Variants in DLG2 observed in about 807,000 individuals in gnomAD.
DLG2 encodes the protein discs large MAGUK scaffold protein 2.
Under a neutral mutation model 132.5 loss-of-function variants are expected in DLG2, and 45 were observed. The observed-to-expected ratio is 0.34, with a 90% confidence interval of 0.27 to 0.44. DLG2 has a LOEUF of 0.44. DLG2 is among the 20% of genes least tolerant of loss of function. The pLI, the probability that DLG2 is intolerant of heterozygous loss-of-function variation, is 1.00. For synonymous variants in DLG2, 424 were observed against 419.6 expected (o/e 1.01, Z -0.13); for missense variants, 1,045 against 1,196.9 (o/e 0.87, Z 1.87).
intron 18 of DLG2, among the ~76,000 whole-genome samples, chr11:83,756,917 TTG>T (rs762311418): frequency 5.8e-4 from 89 of 152,218 alleles, no homozygotes; most frequent in Non-Finnish European, 1.1e-3. Context: ...ATGTGTCACA[TTG>T]TGTCTTAGGT....
intron 6 of DLG2, among the ~76,000 whole-genome samples, chr11:84,737,053 C>T (rs2153818532): frequency 6.6e-6 from 1 of 151,720 alleles, no homozygotes; most frequent in East Asian, 1.9e-4. Flanking sequence ...TATATTTTGC[C>T]AAGAGTTTTT....
At chr11:83,832,916 C>T (rs2054970260) in intron 17 of DLG2, among the ~76,000 whole-genome samples, 1 of 152,136 alleles carries the variant, frequency 6.6e-6, no homozygotes. Flanking sequence ...TTGCACCAAA[C>T]TATACACATT....
chr11:84,544,043 C>A (rs1445495355), intron 6 of DLG2, among the ~76,000 whole-genome samples: 2 of 152,128 alleles, frequency 1.3e-5, no homozygotes, highest in Non-Finnish European at 2.9e-5. Context: ...TTCTAAGATC[C>A]TTTTTAAGGA....
intron 6 of DLG2, among the ~76,000 whole-genome samples, chr11:84,902,923 C>T (rs866061864): frequency 6.6e-6 from 1 of 151,598 alleles, no homozygotes; most frequent in South Asian, 2.1e-4. Flanking sequence ...CTTACTTTTA[C>T]TCCCCTAAAT....
chr11:85,567,728 TCTCA>T (rs976202005), intron 3 of DLG2, among the ~76,000 whole-genome samples: 2 of 152,184 alleles, frequency 1.3e-5, no homozygotes, highest in Non-Finnish European at 2.9e-5. Flanking sequence ...GCTTTCCGTC[TCTCA>T]CTATTAAGTA....
At chr11:83,906,459 A>T (rs138373733) in intron 15 of DLG2, among the ~76,000 whole-genome samples, 135 of 152,202 alleles carry the variant, frequency 8.9e-4, no homozygotes, top group African/African-American at 3.1e-3. Flanking sequence ...ACAATATGGT[A>T]GAGGAGGTAA....
chr11:85,540,086 C>T (rs1218434073), intron 3 of DLG2, among the ~76,000 whole-genome samples: 1 of 152,188 alleles, frequency 6.6e-6, no homozygotes, highest in Non-Finnish European at 1.5e-5. Flanking sequence ...TACAATCATA[C>T]TGATAAAGGG....
intron 6 of DLG2, among the ~76,000 whole-genome samples, chr11:84,607,025 C>T (rs1001331422): frequency 6.6e-6 from 1 of 152,032 alleles, no homozygotes; most frequent in Non-Finnish European, 1.5e-5. Context: ...TATCCAGGAT[C>T]CAAGGTCATC....
At chr11:85,281,792 G>A (rs1027026774) in intron 4 of DLG2, among the ~76,000 whole-genome samples, 7 of 152,034 alleles carry the variant, frequency 4.6e-5, no homozygotes, top group Admixed American at 3.9e-4. Context: ...TATAGAGAAC[G>A]GTATGGAGGT....
chr11:85,203,478 C>T (rs2081618049), intron 4 of DLG2, among the ~76,000 whole-genome samples: 1 of 151,940 alleles, frequency 6.6e-6, no homozygotes, highest in Non-Finnish European at 1.5e-5. Flanking sequence ...ACATATACAA[C>T]TTACCACAAG....
In DLG2 at chr11:84,057,299, T is replaced by A. The variant is rs186323086; in HGVS notation, c.919+2016A>T. 2.6e-5 allele frequency among the ~76,000 whole-genome samples: 4 copies of A among 152,330 alleles called. No homozygotes were observed. In the East Asian group the frequency reaches 7.7e-4, roughly 29 times the overall value. On this transcript the variant is annotated intron_variant, in intron 11 of 27. Transcript: ENST00000376104. ...GCTCAGCTAGAAGAAGGTCTATAAA[T>A]GCATGATGTTACTTTCTTTACTGAG...
At chr11:85,559,060 TG>T (rs1294755513) in intron 3 of DLG2, among the ~76,000 whole-genome samples, 1 of 151,756 alleles carries the variant, frequency 6.6e-6, no homozygotes, top group East Asian at 1.9e-4. Context: ...AAATAGATAG[TG>T]GTGATGTTAT....
intron 7 of DLG2, among the ~76,000 whole-genome samples, chr11:84,334,735 G>T (rs1464047877): frequency 6.6e-6 from 1 of 152,028 alleles, no homozygotes; most frequent in African/African-American, 2.4e-5. Context: ...CAGACTAATG[G>T]GAACGACCTT....
intron 15 of DLG2, among the ~76,000 whole-genome samples, chr11:83,929,082 T>TA (rs113587894): frequency 2.6e-5 from 4 of 152,012 alleles, no homozygotes; most frequent in East Asian, 1.9e-4. Context: ...TGCAAATTAA[T>TA]AAAAAAATGC....
chr11:83,707,031 C>T (rs528362773), intron 18 of DLG2, among the ~76,000 whole-genome samples: 2 of 152,310 alleles, frequency 1.3e-5, no homozygotes, highest in Admixed American at 1.3e-4. Context: ...AAAATCAACT[C>T]CATGAAGTAG....
chr11:85,592,726 G>C (rs1356157834), intron 3 of DLG2, among the ~76,000 whole-genome samples: 3 of 152,164 alleles, frequency 2.0e-5, no homozygotes, highest in Non-Finnish European at 4.4e-5. Context: ...CAAGGTGGGA[G>C]AATCACTTGA....
At chr11:83,923,248 G>T (rs1004464611) in intron 15 of DLG2, among the ~76,000 whole-genome samples, 1 of 152,108 alleles carries the variant, frequency 6.6e-6, no homozygotes, top group African/African-American at 2.4e-5. Flanking sequence ...AATTAATAAT[G>T]ACTAATGTGG....
chr11:84,949,741 G>A (rs902222670), intron 6 of DLG2, among the ~76,000 whole-genome samples: 2 of 152,004 alleles, frequency 1.3e-5, no homozygotes, highest in African/African-American at 4.8e-5. Context: ...CATTTTTCAG[G>A]GTGCCCACAT....
intron 9 of DLG2, among the ~76,000 whole-genome samples, chr11:84,146,696 A>G (rs188378661): frequency 1.3e-5 from 2 of 152,276 alleles, no homozygotes; most frequent in East Asian, 3.9e-4. Flanking sequence ...TACAACTTCA[A>G]GATACATTTG....
Sources: gnomAD v4.1 joint callset for allele counts (sites outside exome capture counted in the v4.1 genomes callset) on GRCh38, gnomAD v4.1.1 for gene constraint, MANE v1.5 for transcripts, NCBI Gene and HGNC (gene_info 2026-07-23, HGNC 2026-07-21) for gene names.